MAP2: variants seen among roughly 807,000 people sequenced by gnomAD.
MAP2 encodes microtubule associated protein 2, also known as microtubule-associated protein 2.
MAP2 carries 14 observed loss-of-function variants against 137.6 expected under a neutral mutation model. That is an observed-to-expected ratio of 0.10 (90% CI 0.07 to 0.16). The LOEUF is 0.16. MAP2 is among the 10% of genes least tolerant of loss of function. The pLI is 1.00. For synonymous variants in MAP2, 786 were observed against 782.3 expected (o/e 1.00, Z -0.08); for missense variants, 2,088 against 2,191.5 (o/e 0.95, Z 0.94).
At chr2:209,677,105 A>T (rs1227919382) in intron 5 of MAP2, among the ~76,000 whole-genome samples, 1 of 151,720 alleles carries the variant, frequency 6.6e-6, no homozygotes, top group Non-Finnish European at 1.5e-5. Context: ...GCCTGGCTTT[A>T]TGAAAACAAA....
chr2:209,587,792 GTT>G (rs370362735), intron 3 of MAP2, among the ~76,000 whole-genome samples: 3 of 152,284 alleles, frequency 2.0e-5, no homozygotes, highest in African/African-American at 7.2e-5. Context: ...TAAGGGGCTA[GTT>G]CTCTCTCTGG....
intron 2 of MAP2, among the ~76,000 whole-genome samples, chr2:209,543,518 C>A (rs999022751): frequency 6.6e-6 from 1 of 152,094 alleles, no homozygotes; most frequent in Admixed American, 6.6e-5. Context: ...AAGCAAAGTG[C>A]AATAAAATGA....
chr2:209,548,324 C>A (rs2068488950), intron 2 of MAP2, among the ~76,000 whole-genome samples: 1 of 152,202 alleles, frequency 6.6e-6, no homozygotes, highest in Non-Finnish European at 1.5e-5. Context: ...AATTAGCTTA[C>A]ATTCAGAGGG....
rs1352836829 is a variant in MAP2 at position 209,695,734 on chromosome 2, G to C, written c.3564G>C (p.Glu1188Asp). 1 of 1,614,038 alleles carries C rather than the reference G, an allele frequency of 6.2e-7. No homozygotes were observed. Among genetic ancestry groups the C allele is most frequent in the East Asian group, 2.2e-5 (1 of 44,864 alleles). Residue 1188 changes from glutamate (E) to aspartate (D), a missense_variant, in exon 8 of 16, where the codon GAG becomes GAC. Glu to Asp is a conservative substitution (Grantham distance 45). This residue lies in a region of MAP2 where 591 missense variants were observed against 642.6 expected (regional missense o/e 0.92). Coordinates refer to ENST00000682079, the MANE Select transcript of MAP2 (RefSeq NM_001375505.1). ...AVSEADLATD[E>D]RADVQMEFIQ... ...CAGAGGCTGATTTAGCCACAGATGA[G>C]AGAGCTGATGTCCAGATGGAATTTA...
At chr2:209,630,009 T>C (rs1265154332) in intron 4 of MAP2, among the ~76,000 whole-genome samples, 1 of 152,196 alleles carries the variant, frequency 6.6e-6, no homozygotes, top group Non-Finnish European at 1.5e-5. Context: ...CTTTTAACTG[T>C]TTGACCAAAT....
chr2:209,714,151 A>G (rs1432725798), intron 13 of MAP2, among the ~76,000 whole-genome samples: 2 of 152,348 alleles, frequency 1.3e-5, no homozygotes. Flanking sequence ...CAGTGAGCCA[A>G]GACCACGCCA....
chr2:209,486,104 A>G (rs1029219881), intron 1 of MAP2, among the ~76,000 whole-genome samples: 1 of 152,212 alleles, frequency 6.6e-6, no homozygotes, highest in East Asian at 1.9e-4. Context: ...CCTTGTTGAC[A>G]ACTTCTTCAC....
chr2:209,603,377 C>A (rs1645145317), intron 3 of MAP2, among the ~76,000 whole-genome samples: 1 of 152,098 alleles, frequency 6.6e-6, no homozygotes, highest in South Asian at 2.1e-4. Flanking sequence ...AGTGTGCCTT[C>A]AGAGTCATTG....
intron 1 of MAP2, among the ~76,000 whole-genome samples, chr2:209,434,514 T>C (rs1695172908): frequency 6.6e-6 from 1 of 151,820 alleles, no homozygotes; most frequent in Non-Finnish European, 1.5e-5. Flanking sequence ...CCATTTGATA[T>C]AAGGATCTTC....
intron 2 of MAP2, among the ~76,000 whole-genome samples, chr2:209,572,088 T>C (rs1357184703): frequency 1.3e-5 from 2 of 151,980 alleles, no homozygotes; most frequent in African/African-American, 4.8e-5. Context: ...ATATAAGTGA[T>C]TTTTTAAAAA....
chr2:209,710,649 C>T (rs939997290), intron 13 of MAP2: 4 of 163,094 alleles, frequency 2.5e-5, no homozygotes, highest in African/African-American at 4.8e-5. Context: ...AATTTTATCT[C>T]CTTTCTTCCC....
intron 1 of MAP2, among the ~76,000 whole-genome samples, chr2:209,428,289 T>G (rs1295275479): frequency 6.6e-6 from 1 of 152,128 alleles, no homozygotes; most frequent in African/African-American, 2.4e-5. Context: ...AGGATCCTCT[T>G]TCAGTCTACT....
chr2:209,526,844 A>G (rs1470433208), intron 2 of MAP2, among the ~76,000 whole-genome samples: 3 of 151,994 alleles, frequency 2.0e-5, no homozygotes, highest in African/African-American at 7.2e-5. Context: ...CCTGAGATAT[A>G]AGATGTACAA....
intron 13 of MAP2, among the ~76,000 whole-genome samples, chr2:209,717,364 C>T (rs2068105190): frequency 1.3e-5 from 2 of 152,162 alleles, no homozygotes; most frequent in African/African-American, 2.4e-5. Flanking sequence ...GTCTTGAGAA[C>T]AGCAAGGGGG....
intron 2 of MAP2, among the ~76,000 whole-genome samples, chr2:209,569,911 C>T (rs187339141): frequency 3.3e-5 from 5 of 151,738 alleles, no homozygotes; most frequent in African/African-American, 1.2e-4. Flanking sequence ...ATAATAAGCC[C>T]AAATTGTCAA....
chr2:209,642,176 C>T (rs2153579707), intron 4 of MAP2, among the ~76,000 whole-genome samples: 1 of 152,054 alleles, frequency 6.6e-6, no homozygotes, highest in Non-Finnish European at 1.5e-5. Context: ...GGCACAGTGG[C>T]TCATGCCTGT....
intron 4 of MAP2, among the ~76,000 whole-genome samples, chr2:209,648,671 C>T (rs2094570510): frequency 2.0e-5 from 3 of 146,600 alleles, no homozygotes; most frequent in Non-Finnish European, 4.5e-5. Flanking sequence ...CACCTGTAAT[C>T]CCAGCTACTC....
intron 2 of MAP2, among the ~76,000 whole-genome samples, chr2:209,570,578 A>T (rs2074232874): frequency 6.6e-6 from 1 of 151,914 alleles, no homozygotes. Flanking sequence ...CTGAATGTAA[A>T]TTACTGAAAA....
chr2:209,696,884 G>T (rs1003975778), intron 9 of MAP2, 33 bp from the exon 10 acceptor site: 1 of 1,578,460 alleles, frequency 6.3e-7, no homozygotes, highest in Admixed American at 2.0e-5. Flanking sequence ...ATTTTTTCCT[G>T]ATGGTATGCT....
Sources: allele counts gnomAD v4.1 joint callset (sites outside exome capture counted in the v4.1 genomes callset), GRCh38; gene constraint gnomAD v4.1.1; regional missense constraint gnomAD v4.1.1; transcripts MANE v1.5; gene names NCBI Gene and HGNC (gene_info 2026-07-23, HGNC 2026-07-21).